MAMDC4: variants seen among roughly 807,000 people sequenced by gnomAD.
MAMDC4 encodes the protein apical endosomal glycoprotein.
MAMDC4 carries 168 observed loss-of-function variants against 153.3 expected under a neutral mutation model. That is an observed-to-expected ratio of 1.10 (90% CI 0.97 to 1.25). MAMDC4 has a LOEUF of 1.25. Among genes scored for constraint, MAMDC4 ranks in the 50% most tolerant of loss-of-function variants. MAMDC4 has a pLI of 0.00. For synonymous variants in MAMDC4, 744 were observed against 651.5 expected (o/e 1.14, Z -2.16); for missense variants, 1,701 against 1,542.8 (o/e 1.10, Z -1.72).
At chr9:136,859,476 ACT>A (rs1455084068) in intron 25 of MAMDC4, 159 bp downstream of exon 25, 5 of 705,450 alleles carry the variant, frequency 7.1e-6, no homozygotes, top group Non-Finnish European at 1.1e-5. Context: ...TGCCCTCCTC[ACT>A]CTGCCCTGCT....
chr9:136,859,000 C>T lies in MAMDC4; in HGVS notation c.2957-5C>T. On this transcript the variant is annotated splice_polypyrimidine_tract_variant and splice_region_variant and intron_variant, in intron 23 of 26. Transcript: ENST00000317446. ...AGGCCTGACACGCCCTGGCCCTGCT[C>T]TCAGACAAGGGGGAGCTGAAGGTAC... 1.3e-6 allele frequency: 2 copies of T among 1,518,190 alleles called. No individual in the cohort carries two copies. The highest frequency in any genetic ancestry group is 1.7e-4 in the Middle Eastern group (1 of 5,746). The allele number at this position is 1,518,190 out of a possible 1,614,324, so 94.0% of individuals were successfully genotyped here.
chr9:136,852,475 GT>G lies in MAMDC4; in HGVS notation c.46+14del, dbSNP rs756991222. On this transcript the variant is annotated intron_variant, in intron 1 of 26. Coordinates refer to ENST00000317446, the MANE Select transcript of MAMDC4 (RefSeq NM_206920.3). ...GTCCTGTTCCTGGGTAAGTAGTCTG[GT>G]CCCACTCCTGAGGCAGGACCAGGGG... 5 of 1,609,036 alleles carry G rather than the reference GT, an allele frequency of 3.1e-6. No individual in the cohort carries two copies. The highest frequency in any genetic ancestry group is 3.4e-6 in the Non-Finnish European group (4 of 1,179,922).
Position 136,857,205 on chromosome 9 carries a change from A to G in MAMDC4, c.2013A>G (p.Thr671=). The G allele has an allele frequency of 1.2e-6, 2 of 1,612,114 alleles. No individual in the cohort carries two copies. The highest frequency in any genetic ancestry group is 2.2e-5 in the South Asian group (2 of 90,926). The change falls in exon 17 of 27, where the codon ACA becomes ACG. Residue 671 remains threonine (T), a synonymous_variant. Coordinates refer to ENST00000317446, the MANE Select transcript of MAMDC4 (RefSeq NM_206920.3). ...RLAMRREGEE[T]HLWSRSGTQG... ...CCATGAGACGGGAAGGGGAGGAGAC[A>G]CACCTGTGGTCGCGGTCAGGCACCC...
chr9:136,852,377 A>C lies in MAMDC4; in HGVS notation c.-40A>C. ...GGCTGATAACCGCACGGAACTTCCCAGGCACCCTGTGTGGCCGCACTGCTC... is the reference window on the plus strand; with the variant it reads ...GGCTGATAACCGCACGGAACTTCCCCGGCACCCTGTGTGGCCGCACTGCTC... On this transcript the variant is annotated 5_prime_UTR_variant, in exon 1 of 27. Transcript: ENST00000317446. The C allele has an allele frequency of 6.2e-7, 1 of 1,605,902 alleles. No homozygotes were observed. The highest frequency in any genetic ancestry group is 8.5e-7 in the Non-Finnish European group (1 of 1,179,554).
chr9:136,854,117 C>G lies in MAMDC4; in HGVS notation c.670+41C>G, dbSNP rs768233207. ...TTCCTGTTCCACCCCCGGGAGGGCCCCCACCTGCCCACTCCCCTGCTCAGA... is the reference window on the plus strand; with the variant it reads ...TTCCTGTTCCACCCCCGGGAGGGCCGCCACCTGCCCACTCCCCTGCTCAGA... On this transcript the variant is annotated intron_variant, in intron 6 of 26. Coordinates refer to ENST00000317446, the MANE Select transcript of MAMDC4 (RefSeq NM_206920.3). 17 of 1,609,230 alleles carry G rather than the reference C, an allele frequency of 1.1e-5. No individual in the cohort carries two copies. The Admixed American group carries it at 1.7e-4, about 16-fold the overall frequency.
At position 136,854,183 on chromosome 9, in the gene MAMDC4, G is replaced by A. The variant is rs185923518; in HGVS notation, c.671-28G>A. 1.0e-3 allele frequency: 1,689 copies of A among 1,611,656 alleles called. 21 individuals are homozygous for A. In the East Asian group the frequency reaches 0.031, roughly 30 times the overall value. On this transcript the variant is annotated intron_variant, in intron 6 of 26. Coordinates refer to ENST00000317446, the MANE Select transcript of MAMDC4 (RefSeq NM_206920.3). ...AGTGCTCTCCCACTCCTGGGGCCTCGGTGAAGGGTTAACCCTGCCCCACCC... is the reference window on the plus strand; with the variant it reads ...AGTGCTCTCCCACTCCTGGGGCCTCAGTGAAGGGTTAACCCTGCCCCACCC...
chr9:136,854,631 C>A lies in MAMDC4; in HGVS notation c.889C>A (p.Arg297Ser), dbSNP rs144788206. 4 of 1,608,146 alleles carry A rather than the reference C, an allele frequency of 2.5e-6. No homozygotes were observed. The highest frequency in any genetic ancestry group is 1.7e-5 in the Admixed American group (1 of 59,484). Residue 297 changes from arginine (R) to serine (S), a missense_variant, in exon 8 of 27, where the codon CGC (arginine) becomes AGC (serine). Arg to Ser is a moderately radical substitution (Grantham distance 110). Coordinates refer to ENST00000317446, the MANE Select transcript of MAMDC4 (RefSeq NM_206920.3). ...GAACCACCGCGCTGGTGGTCCTGAG[C>A]GCCCCTCCTGGCCACGCCGTGACCA... ...SRNHRAGGPE[R>S]PSWPRRDHSR...
In MAMDC4 at chr9:136,856,127, T is replaced by A. The variant is rs779001758; in HGVS notation, c.1698T>A (p.Tyr566Ter). ...CCAGCTGTGAACTCCACCTGGCTTA[T>A]TATTTACAGAGCCAGCCCCGAGGTA... The part of the protein sequence containing the change: ...SGPSCELHLA[Y>*]YLQSQPREVS... Residue 566 changes from tyrosine (Y) to a stop codon, truncating the protein, a stop_gained, in exon 14 of 27, where the codon TAT (tyrosine) becomes TAA (stop). Coordinates refer to ENST00000317446, the MANE Select transcript of MAMDC4 (RefSeq NM_206920.3). LOFTEE classifies it high-confidence loss of function. 29 of 1,612,306 alleles carry A rather than the reference T, an allele frequency of 1.8e-5. No individual in the cohort carries two copies.
chr9:136,854,160 T>G (rs774057763), intron 6 of MAMDC4, 51 bp from the exon 7 acceptor site: 3 of 1,611,216 alleles, frequency 1.9e-6, no homozygotes, highest in Non-Finnish European at 2.5e-6. Flanking sequence ...TGCCCCCGAG[T>G]GCTCTCCCAC....
intron 13 of MAMDC4, 75 bp downstream of exon 13, chr9:136,855,923 T>C: frequency 6.6e-7 from 1 of 1,521,818 alleles, no homozygotes. Context: ...CTGCTCTGCC[T>C]CTGCACTACA....
intron 10 of MAMDC4, 23 bp downstream of exon 10, chr9:136,855,133 G>C (rs996846651): frequency 1.9e-6 from 3 of 1,565,708 alleles, no homozygotes; most frequent in Non-Finnish European, 2.6e-6. Flanking sequence ...AAGAGGGTGG[G>C]GTCTGGGGAG....
Position 136,854,574 on chromosome 9 carries a change from G to GGAACC in MAMDC4, c.833_834insAACCG (p.Pro279ThrfsTer72). On this transcript the variant is annotated frameshift_variant, in exon 8 of 27. Coordinates refer to ENST00000317446, the MANE Select transcript of MAMDC4 (RefSeq NM_206920.3). LOFTEE classifies it high-confidence loss of function. ...AGCCACCGACTTTGAGACAGGCCTG[G>GGAACC]GCCCATGGAACCGCTCGGAAGGCTG... 1 of 1,607,642 alleles carries GGAACC rather than the reference G, an allele frequency of 6.2e-7. No individual in the cohort carries two copies.
At position 136,855,505 on chromosome 9, in the gene MAMDC4, C is replaced by T. The variant is rs572523432; in HGVS notation, c.1357C>T (p.Leu453Phe). 7 of 1,595,912 alleles carry T rather than the reference C, an allele frequency of 4.4e-6. No homozygotes were observed. The Admixed American group carries it at 6.9e-5, about 16-fold the overall frequency. Residue 453 changes from leucine to phenylalanine, a missense_variant, in exon 12 of 27, where the codon CTC becomes TTC. By Grantham distance (22) the Leu-to-Phe change is conservative (BLOSUM62 0). Coordinates refer to ENST00000317446, the MANE Select transcript of MAMDC4 (RefSeq NM_206920.3). ...APQPLPPSSRLQDSCKQGHLA... is the reference protein window; with the variant it reads ...APQPLPPSSRFQDSCKQGHLA... ...CCAGCCCCTGCCGCCCAGCTCGCGG[C>T]TCCAGGATTCCTGCAAGCAGGGGCA...
intron 14 of MAMDC4, 24 bp from the exon 15 acceptor site, chr9:136,856,686 G>A (rs2131236415): frequency 1.2e-6 from 2 of 1,607,818 alleles, no homozygotes; most frequent in East Asian, 4.5e-5. Context: ...GAAGGTGTGT[G>A]ACGCCACCTG....
rs181500797 is a variant in MAMDC4 at position 136,854,521 on chromosome 9, G to C, written c.797-18G>C. 1 of 1,595,124 alleles carries C rather than the reference G, an allele frequency of 6.3e-7. No homozygotes were observed. The highest frequency in any genetic ancestry group is 8.5e-7 in the Non-Finnish European group (1 of 1,171,984). On this transcript the variant is annotated intron_variant, in intron 7 of 26. Transcript: ENST00000317446. ...AAGCACTGCCTGGTGGCCCTGACAC[G>C]CCCACCTCCTGCCCTAGGCCGCCAC...
In MAMDC4 at chr9:136,854,260, C is replaced by A. The variant is rs1256336167; in HGVS notation, c.720C>A (p.Val240=). The change falls in exon 7 of 27, where the codon GTC becomes GTA. Residue 240 remains valine (V), a synonymous_variant. Coordinates refer to ENST00000317446, the MANE Select transcript of MAMDC4 (RefSeq NM_206920.3). ...PPGHHHCQNK[V]CVEPQQLCDG... Reference sequence around the variant, plus strand: ...GACACCACCACTGCCAGAACAAGGTCTGCGTGGAGCCCCAGCAGCTGTGCG... The same window carrying A: ...GACACCACCACTGCCAGAACAAGGTATGCGTGGAGCCCCAGCAGCTGTGCG... 6.2e-7 allele frequency: 1 copy of A among 1,611,196 alleles called. No homozygotes were observed. The highest frequency in any genetic ancestry group is 8.5e-7 in the Non-Finnish European group (1 of 1,179,324).
At chr9:136,855,979 G>A (rs1416076921) in intron 13 of MAMDC4, 39 bp from the exon 14 acceptor site, 2 of 1,586,362 alleles carry the variant, frequency 1.3e-6, no homozygotes, top group South Asian at 1.1e-5. Context: ...GTGGGGCCCT[G>A]GAAGGGATGA....
At position 136,855,742 on chromosome 9, in the gene MAMDC4, C is replaced by G. The variant is rs1564386801; in HGVS notation, c.1482C>G (p.Asp494Glu). The change falls in exon 13 of 27, where the codon GAC (aspartate) becomes GAG (glutamate). Residue 494 changes from aspartate (D) to glutamate (E), a missense_variant. By Grantham distance (45) the Asp-to-Glu change is conservative. Coordinates refer to ENST00000317446, the MANE Select transcript of MAMDC4 (RefSeq NM_206920.3). The part of the protein sequence containing the change: ...GEDEQACGTT[D>E]FESPEAGGWE... ...CGGCTGCTGTTCCAGGCACCACAGA[C>G]TTTGAGTCCCCCGAGGCTGGGGGCT... is the stretch of plus-strand genomic sequence containing the variant. The G allele has an allele frequency of 1.3e-6, 2 of 1,574,390 alleles. No individual in the cohort carries two copies. Among genetic ancestry groups the G allele is most frequent in the East Asian group, 4.6e-5 (2 of 43,438 alleles).
chr9:136,856,192 C>T, intron 14 of MAMDC4, 43 bp downstream of exon 14: 1 of 1,611,464 alleles, frequency 6.2e-7, no homozygotes. Context: ...CCCCTGGGTG[C>T]TCCCTGCACA....
Sources: gnomAD v4.1 joint callset for allele counts on GRCh38, gnomAD v4.1.1 for gene constraint, MANE v1.5 for transcripts, NCBI Gene and HGNC (gene_info 2026-07-23, HGNC 2026-07-21) for gene names.